NAV1: variants seen among roughly 807,000 people sequenced by gnomAD.
NAV1 encodes the protein neuron navigator 1.
NAV1 carries 18 observed loss-of-function variants against 175.2 expected under a neutral mutation model. The observed-to-expected ratio is 0.10, with a 90% CI of 0.07 to 0.15. The LOEUF (loss-of-function observed/expected upper bound fraction) is 0.15, where lower values mean the gene tolerates loss of function less well. Ranked by LOEUF, NAV1 falls within the 10% of genes least tolerant of loss-of-function variation. NAV1 has a pLI of 1.00. For synonymous variants in NAV1, 897 were observed against 978.7 expected (o/e 0.92, Z 1.56); for missense variants, 1,731 against 2,436.6 (o/e 0.71, Z 6.10).
At chr1:201,591,333 C>T (rs1667186919) in intron 2 of NAV1, among the ~76,000 whole-genome samples, 1 of 152,156 alleles carries the variant, frequency 6.6e-6, no homozygotes, top group Admixed American at 6.5e-5. Flanking sequence ...TTAGCAGTGA[C>T]AGGTTGGCAC....
chr1:201,767,006 G>A (rs1265525208), intron 3 of NAV1, among the ~76,000 whole-genome samples: 2 of 151,488 alleles, frequency 1.3e-5, no homozygotes, highest in African/African-American at 2.4e-5. Context: ...ATTTTTAGTA[G>A]AGACAGGGTT....
intron 1 of NAV1, among the ~76,000 whole-genome samples, chr1:201,553,471 G>A (rs1009210940): frequency 6.6e-6 from 1 of 152,258 alleles, no homozygotes; most frequent in Non-Finnish European, 1.5e-5. Flanking sequence ...GCCACTGTGT[G>A]TTCCAACCGA....
intron 2 of NAV1, among the ~76,000 whole-genome samples, chr1:201,591,516 G>A (rs1047135567): frequency 1.3e-5 from 2 of 152,192 alleles, no homozygotes; most frequent in African/African-American, 4.8e-5. Context: ...GAGCAGGCCT[G>A]GCATATAGAA....
chr1:201,652,880 T>G (rs1336077578), intron 1 of NAV1, among the ~76,000 whole-genome samples: 1 of 152,200 alleles, frequency 6.6e-6, no homozygotes, highest in African/African-American at 2.4e-5. Context: ...AAAAATGCAT[T>G]GAATACACCT....
chr1:201,627,051 G>A (rs983219654), intron 1 of NAV1, among the ~76,000 whole-genome samples: 2 of 152,190 alleles, frequency 1.3e-5, no homozygotes, highest in African/African-American at 4.8e-5. Flanking sequence ...CATATTAATG[G>A]CAGCAACAAT....
chr1:201,628,710 A>G (rs1393016227), intron 1 of NAV1, among the ~76,000 whole-genome samples: 2 of 152,130 alleles, frequency 1.3e-5, no homozygotes, highest in African/African-American at 2.4e-5. Context: ...GTAATTGCCT[A>G]TAATGAAAGC....
rs147451362 is a variant in NAV1 at position 201,574,812 on chromosome 1, C to A, written c.-143-13727C>A. Among the ~76,000 whole-genome samples the A allele has an allele frequency of 1.9e-4, 29 of 152,286 alleles. No individual in the cohort carries two copies. In the East Asian group the frequency reaches 5.4e-3, roughly 28 times the overall value. ...TGCCTCTGTTTATCCTCTGCACAGA[C>A]AGATTCAGTGTCTCAGGTGGAAGGA... On this transcript the variant is annotated intron_variant, in intron 1 of 33. Coordinates refer to the NAV1 transcript ENST00000685211.
At chr1:201,642,609 A>C (rs1282970556) in intron 2 of NAV1, among the ~76,000 whole-genome samples, 52 of 77,474 alleles carry the variant, frequency 6.7e-4, no homozygotes, top group African/African-American at 1.1e-3. Context: ...CTTTCCTTCC[A>C]CCTTCCTTCC....
chr1:201,719,338 C>A lies in NAV1; in HGVS notation c.1226+583C>A, dbSNP rs112656027. On this transcript the variant is annotated intron_variant, in intron 3 of 29. Coordinates refer to ENST00000367296, the Ensembl canonical transcript of NAV1. ...CGACCCCTGTGGTCCTCAGTGTCTG[C>A]TCCTTGGGTTTCTTCCTGTGCAAAC... Among the ~76,000 whole-genome samples the A allele has an allele frequency of 5.5e-3, 837 of 152,172 alleles. 17 individuals carry two copies. Among genetic ancestry groups the A allele is most frequent in the African/African-American group, 0.019 (781 of 41,552 alleles).
chr1:201,610,987 C>T (rs908433599), intron 2 of NAV1, among the ~76,000 whole-genome samples: 1 of 152,104 alleles, frequency 6.6e-6, no homozygotes, highest in African/African-American at 2.4e-5. Context: ...ATGAGTCCCA[C>T]AGCTTGTGGA....
intron 1 of NAV1, among the ~76,000 whole-genome samples, chr1:201,667,599 G>A (rs1043407888): frequency 2.3e-4 from 35 of 152,178 alleles, no homozygotes; most frequent in Non-Finnish European, 5.0e-4. Context: ...TGGACCCGGG[G>A]AGGAGGAGGA....
intron 2 of NAV1, among the ~76,000 whole-genome samples, chr1:201,610,463 G>C (rs1009930226): frequency 6.6e-6 from 1 of 152,190 alleles, no homozygotes; most frequent in Non-Finnish European, 1.5e-5. Context: ...TTAGCAGGAG[G>C]GATGGAGGTT....
At chr1:201,549,376 A>G (rs1413309223) in intron 1 of NAV1, among the ~76,000 whole-genome samples, 1 of 151,664 alleles carries the variant, frequency 6.6e-6, no homozygotes, top group Admixed American at 6.6e-5. Flanking sequence ...GCCTGGCTAA[A>G]TTTTGCATTT....
At chr1:201,625,115 A>G (rs889868840) in intron 1 of NAV1, among the ~76,000 whole-genome samples, 4 of 152,248 alleles carry the variant, frequency 2.6e-5, no homozygotes, top group African/African-American at 7.2e-5. Flanking sequence ...TTAAAAGGAC[A>G]TCGACATACA....
chr1:201,564,285 C>T (rs1666291015), intron 1 of NAV1, among the ~76,000 whole-genome samples: 1 of 152,076 alleles, frequency 6.6e-6, no homozygotes, highest in African/African-American at 2.4e-5. Flanking sequence ...AGCAGTGTGG[C>T]TTTAACTTTT....
chr1:201,642,557 T>TTCTTTTTTTCTTTCTTTCTTTCTTTC (rs1668819760), intron 2 of NAV1, among the ~76,000 whole-genome samples: 2 of 106,018 alleles, frequency 1.9e-5, no homozygotes, highest in African/African-American at 8.5e-5. Flanking sequence ...TTCTTTCTTT[T>TTCTTTTTTTCTTTCTTTCTTTCTTTC]TTCCCTTTCT....
At chr1:201,565,766 G>A (rs752720646) in intron 1 of NAV1, among the ~76,000 whole-genome samples, 3 of 152,054 alleles carry the variant, frequency 2.0e-5, no homozygotes, top group African/African-American at 4.8e-5. Flanking sequence ...GGAAACTGAG[G>A]CCCACACAGT....
At position 201,788,855 on chromosome 1, in the gene NAV1, A is replaced by G. The variant is rs1473092765; in HGVS notation, c.3166+217A>G. 6.6e-6 allele frequency among the ~76,000 whole-genome samples: 1 copy of G among 152,116 alleles called. No homozygotes were observed. The highest frequency in any genetic ancestry group is 2.4e-5 in the African/African-American group (1 of 41,408). On this transcript the variant is annotated intron_variant, in intron 10 of 29. Transcript: ENST00000367296. This position sits in a 1 kb window ranked among gnomAD's most constrained non-coding sequence, Gnocchi z 5.7. ...TAGCACTGGGGCATTGGGATGGAGC[A>G]TCCATCACTGGGGCTGGGGGAGGGA...
intron 2 of NAV1, among the ~76,000 whole-genome samples, chr1:201,616,519 C>T (rs1668006299): frequency 6.6e-6 from 1 of 151,842 alleles, no homozygotes; most frequent in Non-Finnish European, 1.5e-5. Flanking sequence ...TGAAGTTTCA[C>T]TGTTGTTGCC....
Sources: gnomAD v4.1 joint callset for allele counts (sites outside exome capture counted in the v4.1 genomes callset) on GRCh38, gnomAD v4.1.1 for gene constraint, Gnocchi (gnomAD v3.1) non-coding constraint, MANE v1.5 for transcripts, NCBI Gene and HGNC (gene_info 2026-07-23, HGNC 2026-07-21) for gene names.